MB21D2: variants seen among roughly 807,000 people sequenced by gnomAD.
MB21D2 encodes the protein Mab-21 domain containing 2.
A neutral mutation model predicts 33.3 loss-of-function variants in MB21D2; 9 were observed. That is an observed-to-expected ratio of 0.27 (90% CI 0.16 to 0.47). MB21D2 has a LOEUF of 0.47. Ranked by LOEUF, MB21D2 falls within the 20% of genes least tolerant of loss-of-function variation. The pLI is 0.99. For missense variants in MB21D2, 540 were observed against 624.6 expected (o/e 0.86, Z 1.44); for synonymous variants, 241 against 236.3 (o/e 1.02, Z -0.18).
chr3:192,872,649 T>C (rs892229076), intron 1 of MB21D2, among the ~76,000 whole-genome samples: 14 of 151,962 alleles, frequency 9.2e-5, no homozygotes, highest in African/African-American at 3.1e-4. Flanking sequence ...GAATCATGGA[T>C]GACGGTAATG....
At chr3:192,814,861 T>TC (rs1179523448) in intron 1 of MB21D2, among the ~76,000 whole-genome samples, 9 of 88,410 alleles carry the variant, frequency 1.0e-4, no homozygotes, top group Middle Eastern at 5.8e-3. Flanking sequence ...CGAGACTCCA[T>TC]CCCAAAAAAA....
chr3:192,843,126 G>C (rs1194635608), intron 1 of MB21D2, among the ~76,000 whole-genome samples: 3 of 152,124 alleles, frequency 2.0e-5, no homozygotes, highest in African/African-American at 7.2e-5. Flanking sequence ...ACTAGCTCAG[G>C]TCACAGAGCC....
At chr3:192,804,428 C>T (rs1577166509) in intron 1 of MB21D2, among the ~76,000 whole-genome samples, 1 of 5,764 alleles carries the variant, frequency 1.7e-4, no homozygotes, top group African/African-American at 2.8e-4. Flanking sequence ...AAAACAGATA[C>T]ACACACACAC....
intron 1 of MB21D2, among the ~76,000 whole-genome samples, chr3:192,831,813 A>T (rs1712321842): frequency 1.3e-5 from 2 of 152,226 alleles, no homozygotes; most frequent in Non-Finnish European, 2.9e-5. Flanking sequence ...GGATCAATGG[A>T]ATAACAGATG....
At chr3:192,910,017 T>G (rs1470154038) in intron 1 of MB21D2, among the ~76,000 whole-genome samples, 1 of 126,194 alleles carries the variant, frequency 7.9e-6, no homozygotes, top group Non-Finnish European at 1.7e-5. Flanking sequence ...AGAAAGAAAG[T>G]GAGAAATTGG....
chr3:192,837,551 T>A (rs1223162054), intron 1 of MB21D2, among the ~76,000 whole-genome samples: 2 of 152,190 alleles, frequency 1.3e-5, no homozygotes, highest in East Asian at 3.9e-4. Flanking sequence ...GAGAACCGAA[T>A]GGAGGAATCC....
At chr3:192,855,344 G>A (rs1712894223) in intron 1 of MB21D2, among the ~76,000 whole-genome samples, 1 of 152,204 alleles carries the variant, frequency 6.6e-6, no homozygotes, top group South Asian at 2.1e-4. Context: ...TGATCTGCCT[G>A]CCTCGGGCTC....
chr3:192,873,110 C>T (rs1218913246), intron 1 of MB21D2, among the ~76,000 whole-genome samples: 1 of 152,134 alleles, frequency 6.6e-6, no homozygotes, highest in Non-Finnish European at 1.5e-5. Context: ...GTGCTGCCCT[C>T]CCCACTGTCT....
intron 1 of MB21D2, among the ~76,000 whole-genome samples, chr3:192,878,751 G>T (rs150420015): frequency 2.0e-5 from 3 of 152,302 alleles, no homozygotes; most frequent in Non-Finnish European, 1.5e-5. Context: ...ATCGCTTGAG[G>T]TCAGGATTTC....
At chr3:192,857,184 T>C (rs1404806336) in intron 1 of MB21D2, among the ~76,000 whole-genome samples, 3 of 152,196 alleles carry the variant, frequency 2.0e-5, no homozygotes, top group Admixed American at 1.3e-4. Flanking sequence ...CAACAGGCCC[T>C]GCAAAATAAT....
intron 1 of MB21D2, among the ~76,000 whole-genome samples, chr3:192,884,130 C>T (rs1713669530): frequency 6.6e-6 from 1 of 152,108 alleles, no homozygotes; most frequent in East Asian, 1.9e-4. Context: ...CATTCCCCTA[C>T]CTTTCAAAGT....
At chr3:192,850,280 G>A (rs1465120757) in intron 1 of MB21D2, among the ~76,000 whole-genome samples, 1 of 152,088 alleles carries the variant, frequency 6.6e-6, no homozygotes, top group African/African-American at 2.4e-5. Flanking sequence ...GATCTCCCAG[G>A]AGACAGACTC....
intron 1 of MB21D2, among the ~76,000 whole-genome samples, chr3:192,835,153 T>TTAACA (rs542816754): frequency 9.2e-5 from 7 of 75,822 alleles, no homozygotes; most frequent in Admixed American, 2.5e-4. Flanking sequence ...AAAGTGTCTT[T>TTAACA]AAAAAAAAAA....
intron 1 of MB21D2, among the ~76,000 whole-genome samples, chr3:192,846,086 G>GAAATA (rs1168091351): frequency 1.3e-5 from 2 of 151,900 alleles, no homozygotes; most frequent in East Asian, 1.9e-4. Context: ...CTATATATAT[G>GAAATA]AAATAAAATA....
intron 1 of MB21D2, among the ~76,000 whole-genome samples, chr3:192,833,831 G>A (rs1476359831): frequency 1.3e-5 from 2 of 152,148 alleles, no homozygotes; most frequent in East Asian, 3.9e-4. Flanking sequence ...TGGCTGCCCA[G>A]GCTAACTTCA....
chr3:192,913,761 C>CT (rs1714405316), intron 1 of MB21D2, among the ~76,000 whole-genome samples: 1 of 152,096 alleles, frequency 6.6e-6, no homozygotes, highest in South Asian at 2.1e-4. Flanking sequence ...ACGCCTAGGA[C>CT]TTTGAGGCTG....
intron 1 of MB21D2, among the ~76,000 whole-genome samples, chr3:192,845,904 C>A (rs1712671471): frequency 6.6e-6 from 1 of 151,214 alleles, no homozygotes; most frequent in Non-Finnish European, 1.5e-5. Flanking sequence ...TACAGTGAGA[C>A]CCTGTCTCTA....
rs757882806 is a variant in MB21D2, at chr3:192,799,277, G to A, written c.585C>T (p.Val195=). Residue 195 remains valine, a synonymous_variant, in exon 2 of 2, where the codon GTC becomes GTT. Coordinates refer to ENST00000392452, the MANE Select transcript of MB21D2 (RefSeq NM_178496.4). This position sits in a 1 kb window ranked among gnomAD's most constrained non-coding sequence, Gnocchi z 4.1. ...ADWFYDSISI[V]LSEIQKKPQR... ...GGGGTTTCTTCTGTATTTCTGATAG[G>A]ACAATGCTGATAGAGTCATAGAACC... is the stretch of plus-strand genomic sequence containing the variant. The A allele has an allele frequency of 6.2e-7, 1 of 1,614,056 alleles. No individual in the cohort carries two copies. The highest frequency in any genetic ancestry group is 8.5e-7 in the Non-Finnish European group (1 of 1,180,038).
In MB21D2 at chr3:192,799,748, A is replaced by G; in HGVS notation, c.212-98T>C. ...ATGCTCTGATGTTCCAAGAACCAAA[A>G]CTCATTATCAGTACTAAATCAAATC... On this transcript the variant is annotated intron_variant, in intron 1 of 1. Transcript: ENST00000392452. The surrounding 1 kb of genome is among the most constrained non-coding windows in gnomAD (Gnocchi z 4.1). 3 of 1,287,656 alleles carry G rather than the reference A, an allele frequency of 2.3e-6. No individual in the cohort carries two copies. The highest frequency in any genetic ancestry group is 3.1e-6 in the Non-Finnish European group (3 of 957,732). 79.8% of individuals were successfully genotyped at this position (1,287,656 alleles called of 1,614,324 possible). A position where few individuals can be genotyped will look rare whatever the true frequency, so the allele number is the denominator to read the frequency against.
Sources: gnomAD v4.1 joint callset for allele counts (sites outside exome capture counted in the v4.1 genomes callset) on GRCh38, gnomAD v4.1.1 for gene constraint, Gnocchi (gnomAD v3.1) non-coding constraint, MANE v1.5 for transcripts, NCBI Gene and HGNC (gene_info 2026-07-23, HGNC 2026-07-21) for gene names.